Variants in COL19A1 observed in about 807,000 individuals in gnomAD.
The protein encoded by COL19A1 is collagen alpha-1(XIX) chain.
In COL19A1, 159 loss-of-function variants were observed where a neutral mutation model predicts 190.2. The observed-to-expected ratio is 0.84, with a 90% CI of 0.73 to 0.95. COL19A1 has a LOEUF of 0.95. Ranked by LOEUF, COL19A1 falls within the 40% of genes least tolerant of loss-of-function variation. The pLI is 0.00. For missense variants in COL19A1, 1,418 were observed against 1,431.9 expected, an observed-to-expected ratio of 0.99 and a Z score of 0.16; for synonymous variants, 509 against 458.9, an observed-to-expected ratio of 1.11 and a Z score of -1.39.
At position 70,185,015 on chromosome 6, in the gene COL19A1, C is replaced by G. The variant is rs539588137; in HGVS notation, c.2856+100C>G. The G allele has an allele frequency of 1.3e-5, 15 of 1,144,888 alleles. No homozygotes were observed. In the African/African-American group the frequency reaches 1.6e-4, roughly 12 times the overall value. 70.9% of individuals were successfully genotyped at this position (1,144,888 alleles called of 1,614,324 possible). Reference sequence around the variant, plus strand: ...ATGTGTGTAGACCCCTGCAAATCACCAAATCTATAAAGGCTAGGGTGTAGG... The same window carrying G: ...ATGTGTGTAGACCCCTGCAAATCACGAAATCTATAAAGGCTAGGGTGTAGG... On this transcript the variant is annotated intron_variant, in intron 46 of 50. Coordinates refer to ENST00000620364, the MANE Select transcript of COL19A1 (RefSeq NM_001858.6).
At chr6:69,921,808 G>A (rs147465574) in intron 4 of COL19A1, among the ~76,000 whole-genome samples, 30 of 149,984 alleles carry the variant, frequency 2.0e-4, no homozygotes, top group East Asian at 7.8e-4. Context: ...ATGTATATTC[G>A]TATGTAGATT....
rs1766396081 is a variant in COL19A1, at chr6:70,184,694, TC to T, written c.2776-8del. 1 of 1,585,590 alleles carries T rather than the reference TC, an allele frequency of 6.3e-7. No individual in the cohort carries two copies. The highest frequency in any genetic ancestry group is 1.7e-5 in the Admixed American group (1 of 58,250). ...GAGTTAGAAATATTAATCCTTTTTT[TC>T]TTTATAGGGAATAAATGGAAAAGAT... On this transcript the variant is annotated splice_region_variant and splice_polypyrimidine_tract_variant and intron_variant, in intron 44 of 50. Coordinates refer to ENST00000620364, the MANE Select transcript of COL19A1 (RefSeq NM_001858.6).
At chr6:70,099,188 C>G (rs1582907302) in intron 15 of COL19A1, among the ~76,000 whole-genome samples, 2 of 151,856 alleles carry the variant, frequency 1.3e-5, no homozygotes, top group African/African-American at 2.4e-5. Flanking sequence ...CTATCCTCCA[C>G]AAGTCACTGA....
At chr6:70,097,544 G>T (rs975090616) in intron 15 of COL19A1, among the ~76,000 whole-genome samples, 4 of 152,030 alleles carry the variant, frequency 2.6e-5, no homozygotes, top group Non-Finnish European at 5.9e-5. Flanking sequence ...TGCGAGTGAG[G>T]CTCAGCAATC....
intron 41 of COL19A1, among the ~76,000 whole-genome samples, chr6:70,175,326 A>G (rs1300310486): frequency 6.6e-6 from 1 of 152,084 alleles, no homozygotes; most frequent in Non-Finnish European, 1.5e-5. Context: ...TTTCTTTATG[A>G]TTTCTTGTTT....
intron 33 of COL19A1, 139 bp from the exon 34 acceptor site, chr6:70,156,531 A>G: frequency 2.8e-6 from 3 of 1,052,756 alleles, no homozygotes; most frequent in Non-Finnish European, 4.2e-6. Flanking sequence ...TGTAAAAGTC[A>G]CTTGCAAATG....
intron 15 of COL19A1, among the ~76,000 whole-genome samples, chr6:70,101,284 T>G (rs990607122): frequency 2.0e-5 from 3 of 152,174 alleles, no homozygotes; most frequent in Admixed American, 2.0e-4. Context: ...TCATTCAAAA[T>G]GTATGCTTTC....
At chr6:69,898,797 C>G (rs1030979637) in intron 2 of COL19A1, 151 bp from the exon 3 acceptor site, 1 of 583,216 alleles carries the variant, frequency 1.7e-6, no homozygotes, top group Non-Finnish European at 3.0e-6. Context: ...CTCACAAAAA[C>G]ACTGAGGTGG....
chr6:70,071,947 G>A (rs897752457), intron 15 of COL19A1, among the ~76,000 whole-genome samples: 21 of 152,004 alleles, frequency 1.4e-4, no homozygotes, highest in Non-Finnish European at 2.4e-4. Context: ...AGAGAAGTTC[G>A]GTTGAGTAGT....
chr6:69,905,386 A>C (rs1199193660), intron 4 of COL19A1, among the ~76,000 whole-genome samples: 1 of 152,200 alleles, frequency 6.6e-6, no homozygotes, highest in Non-Finnish European at 1.5e-5. Flanking sequence ...TGGCTCCCAC[A>C]CACAGCTACA....
chr6:69,921,356 A>AATCATAT lies in COL19A1; in HGVS notation c.267-6550_267-6544dup, dbSNP rs1554166157. On this transcript the variant is annotated intron_variant, in intron 4 of 50. Coordinates refer to ENST00000620364, the MANE Select transcript of COL19A1 (RefSeq NM_001858.6). ...TATATCTATATATATCATATATCAT[A>AATCATAT]ATCATATATATCATATATATCATAT... Among the ~76,000 whole-genome samples, 181 of 90,356 alleles carry AATCATAT rather than the reference A, an allele frequency of 2.0e-3. 5 individuals are homozygous for AATCATAT. Among genetic ancestry groups the AATCATAT allele is most frequent in the African/African-American group, 8.8e-3 (166 of 18,922 alleles). 59.3% of individuals were successfully genotyped at this position (90,356 alleles called of 152,430 possible).
At chr6:69,971,974 G>A (rs939256930) in intron 11 of COL19A1, among the ~76,000 whole-genome samples, 2 of 152,096 alleles carry the variant, frequency 1.3e-5, no homozygotes, top group African/African-American at 4.8e-5. Flanking sequence ...TTAAAATCCT[G>A]AATCCCACAA....
chr6:70,119,375 C>T (rs910654317), intron 16 of COL19A1, among the ~76,000 whole-genome samples: 1 of 152,196 alleles, frequency 6.6e-6, no homozygotes, highest in Non-Finnish European at 1.5e-5. Context: ...GTAATGTGTT[C>T]ACTTTCCCGC....
chr6:70,150,160 G>A, intron 30 of COL19A1, 115 bp downstream of exon 30: 2 of 1,073,152 alleles, frequency 1.9e-6, no homozygotes, highest in Non-Finnish European at 2.8e-6. Flanking sequence ...ACTGCTTGGT[G>A]ATTTTGTTTA....
At chr6:70,188,560 AT>A (rs1240779407) in intron 47 of COL19A1, among the ~76,000 whole-genome samples, 16 of 152,200 alleles carry the variant, frequency 1.1e-4, no homozygotes, top group Non-Finnish European at 2.1e-4. Flanking sequence ...CCAGGTCTGG[AT>A]GGCTTCAAAC....
intron 4 of COL19A1, among the ~76,000 whole-genome samples, chr6:69,902,021 C>T (rs1770223567): frequency 6.6e-6 from 1 of 152,172 alleles, no homozygotes; most frequent in Non-Finnish European, 1.5e-5. Context: ...AATCACTGCC[C>T]AATCCATGGG....
intron 11 of COL19A1, among the ~76,000 whole-genome samples, chr6:69,999,221 CCTT>C (rs1777101574): frequency 6.6e-6 from 1 of 150,766 alleles, no homozygotes; most frequent in East Asian, 2.0e-4. Context: ...CCATGCCCGG[CCTT>C]CTTTTTTAAT....
chr6:69,917,806 G>T (rs990691389), intron 4 of COL19A1, among the ~76,000 whole-genome samples: 3 of 151,956 alleles, frequency 2.0e-5, no homozygotes, highest in Non-Finnish European at 4.4e-5. Context: ...TATACTAACA[G>T]TAATGATAGC....
chr6:70,002,804 G>GT lies in COL19A1; in HGVS notation c.1027-20808dup, dbSNP rs35656140. Among the ~76,000 whole-genome samples, 415 of 118,212 alleles carry GT rather than the reference G, an allele frequency of 3.5e-3. 2 individuals carry two copies. Among genetic ancestry groups the GT allele is most frequent in the South Asian group, 5.3e-3 (20 of 3,762 alleles). 77.6% of individuals were successfully genotyped at this position (118,212 alleles called of 152,430 possible). ...TAGTGATCTATCCATGTTGTTGTTGGTTTTTTTTTTTTTTTCCTCAAAAAA... is the reference window on the plus strand; with the variant it reads ...TAGTGATCTATCCATGTTGTTGTTGGTTTTTTTTTTTTTTTTCCTCAAAAAA... On this transcript the variant is annotated intron_variant, in intron 11 of 50. Coordinates refer to ENST00000620364, the MANE Select transcript of COL19A1 (RefSeq NM_001858.6).
Sources: allele counts gnomAD v4.1 joint callset (sites outside exome capture counted in the v4.1 genomes callset), GRCh38; gene constraint gnomAD v4.1.1; transcripts MANE v1.5; gene names NCBI Gene and HGNC (gene_info 2026-07-23, HGNC 2026-07-21).